RORB: variants seen among roughly 807,000 people sequenced by gnomAD.
RORB encodes the protein RAR related orphan receptor B, also known as nuclear receptor ROR-beta.
A neutral mutation model predicts 59.1 loss-of-function variants in RORB; 6 were observed. The ratio of observed to expected loss-of-function variants is 0.10; its 90% confidence interval spans 0.06 to 0.20. The LOEUF (loss-of-function observed/expected upper bound fraction) is 0.20. RORB is among the 10% of genes least tolerant of loss of function. RORB has a pLI of 1.00. For missense variants in RORB, 320 were observed against 560.5 expected, an observed-to-expected ratio of 0.57 and a Z score of 4.33; for synonymous variants, 215 against 204.5, an observed-to-expected ratio of 1.05 and a Z score of -0.44.
At chr9:74,562,479 A>G (rs1822409326) in intron 1 of RORB, among the ~76,000 whole-genome samples, 1 of 152,178 alleles carries the variant, frequency 6.6e-6, no homozygotes, top group South Asian at 2.1e-4. Context: ...ATCTCATCTG[A>G]GACCAGAGGT....
intron 3 of RORB, among the ~76,000 whole-genome samples, chr9:74,642,188 C>G (rs1238163461): frequency 1.3e-5 from 2 of 152,098 alleles, no homozygotes; most frequent in African/African-American, 4.8e-5. Flanking sequence ...ATATTTCTTC[C>G]TGGCTTAGAT....
intron 4 of RORB, among the ~76,000 whole-genome samples, chr9:74,648,298 T>C (rs935445364): frequency 2.0e-5 from 3 of 152,312 alleles, no homozygotes; most frequent in East Asian, 3.9e-4. Context: ...TACATTGAGA[T>C]TGGGGGTCCT....
chr9:74,585,723 T>G (rs554591080), intron 1 of RORB, among the ~76,000 whole-genome samples: 2 of 152,270 alleles, frequency 1.3e-5, no homozygotes, highest in African/African-American at 2.4e-5. Flanking sequence ...TCTAACCCTA[T>G]GTAAGCTCAT....
At chr9:74,672,439 A>G (rs1824363391) in intron 9 of RORB, among the ~76,000 whole-genome samples, 1 of 152,170 alleles carries the variant, frequency 6.6e-6, no homozygotes, top group African/African-American at 2.4e-5. Flanking sequence ...TCCTACTCAG[A>G]GTGCAAGATT....
At chr9:74,573,323 CA>C (rs1822580651) in intron 1 of RORB, among the ~76,000 whole-genome samples, 1 of 152,006 alleles carries the variant, frequency 6.6e-6, no homozygotes, top group Non-Finnish European at 1.5e-5. Context: ...GTCATTTGTA[CA>C]AGTGTGTTTT....
intron 1 of RORB, chr9:74,615,497 G>A: frequency 2.9e-6 from 1 of 340,134 alleles, no homozygotes. Context: ...CATTAATGCA[G>A]CCTGTTGGGA....
chr9:74,592,518 GA>G (rs1296158530), intron 1 of RORB, among the ~76,000 whole-genome samples: 3 of 152,118 alleles, frequency 2.0e-5, no homozygotes, highest in African/African-American at 7.2e-5. Context: ...CTTACATGCT[GA>G]TGGGGAGAAG....
At chr9:74,623,773 C>T (rs1823462962) in intron 1 of RORB, among the ~76,000 whole-genome samples, 1 of 152,170 alleles carries the variant, frequency 6.6e-6, no homozygotes, top group Non-Finnish European at 1.5e-5. Context: ...GTCGAAAAGA[C>T]ATTCACTCAA....
At chr9:74,605,059 G>A (rs1823127972) in intron 1 of RORB, among the ~76,000 whole-genome samples, 1 of 152,170 alleles carries the variant, frequency 6.6e-6, no homozygotes, top group Non-Finnish European at 1.5e-5. Flanking sequence ...AAAGAAGAGA[G>A]ATCACTGTGC....
intron 4 of RORB, among the ~76,000 whole-genome samples, chr9:74,657,435 TG>T (rs1267349744): frequency 6.6e-6 from 1 of 152,188 alleles, no homozygotes; most frequent in Admixed American, 6.5e-5. Flanking sequence ...AAGTAAAGGT[TG>T]TAAAGATATA....
At chr9:74,582,881 G>C (rs540069397) in intron 1 of RORB, among the ~76,000 whole-genome samples, 1 of 152,236 alleles carries the variant, frequency 6.6e-6, no homozygotes, top group East Asian at 1.9e-4. Context: ...AAATAAAAAA[G>C]ATTCACTTTT....
chr9:74,685,439 CCT>C (rs1361639107), intron 9 of RORB, 22 bp from the exon 10 acceptor site: 2 of 1,581,658 alleles, frequency 1.3e-6, no homozygotes, highest in Non-Finnish European at 1.7e-6. Context: ...TCTCTATCTC[CCT>C]CTCTGTCTCT....
At chr9:74,558,325 A>G (rs1259526625) in intron 1 of RORB, among the ~76,000 whole-genome samples, 1 of 152,124 alleles carries the variant, frequency 6.6e-6, no homozygotes, top group Admixed American at 6.6e-5. Flanking sequence ...GGAGACTGTT[A>G]TTATTAATCA....
intron 1 of RORB, among the ~76,000 whole-genome samples, chr9:74,562,572 A>G (rs1822410720): frequency 6.6e-6 from 1 of 152,156 alleles, no homozygotes; most frequent in African/African-American, 2.4e-5. Context: ...TAGGAAGCTG[A>G]CATTTTTTTC....
rs1825876698 is a variant in RORB at position 74,506,800 on chromosome 9, A to G, written c.7+8817A>G. ...AGAGTCATACCTTTTAAGTCCTGAA[A>G]CACAAATAATTGTTTTAAATGCTGA... is the stretch of plus-strand genomic sequence containing the variant. On this transcript the variant is annotated intron_variant, in intron 1 of 9. Coordinates refer to ENST00000376896, the MANE Select transcript of RORB (RefSeq NM_006914.4). Among the ~76,000 whole-genome samples, 4 of 152,100 alleles carry G rather than the reference A, an allele frequency of 2.6e-5. No individual in the cohort carries two copies. The South Asian group carries it at 8.3e-4, about 31-fold the overall frequency.
At chr9:74,674,339 G>A (rs1041253200) in intron 9 of RORB, among the ~76,000 whole-genome samples, 5 of 152,280 alleles carry the variant, frequency 3.3e-5, no homozygotes, top group Admixed American at 2.0e-4. Flanking sequence ...AGTGAATGTT[G>A]TGAAACCTGT....
intron 2 of RORB, among the ~76,000 whole-genome samples, chr9:74,634,262 C>T (rs978706679): frequency 2.0e-5 from 3 of 152,150 alleles, no homozygotes; most frequent in Admixed American, 6.5e-5. Flanking sequence ...TGATTTTTCC[C>T]ATCAAGTTCT....
chr9:74,653,956 CCTTG>C (rs1178351627), intron 4 of RORB, among the ~76,000 whole-genome samples: 1 of 152,148 alleles, frequency 6.6e-6, no homozygotes, highest in Admixed American at 6.5e-5. Flanking sequence ...GACATCGTCA[CCTTG>C]CTTGTCAGTT....
chr9:74,662,829 T>G (rs1033910995), intron 6 of RORB, among the ~76,000 whole-genome samples: 6 of 152,158 alleles, frequency 3.9e-5, no homozygotes, highest in Non-Finnish European at 7.4e-5. Context: ...AGTGGAGCTA[T>G]TAATTGCGGA....
Sources: gnomAD v4.1 joint callset for allele counts (sites outside exome capture counted in the v4.1 genomes callset) on GRCh38, gnomAD v4.1.1 for gene constraint, MANE v1.5 for transcripts, NCBI Gene and HGNC (gene_info 2026-07-23, HGNC 2026-07-21) for gene names.